The following TTN variants were observed in gnomAD, a reference collection of about 807,000 sequenced individuals.
TTN encodes the protein titin.
In TTN, 1,525 loss-of-function variants were observed where a neutral mutation model predicts 3,223.0. That is an observed-to-expected ratio of 0.47 (90% CI 0.45 to 0.49). The LOEUF (loss-of-function observed/expected upper bound fraction) is 0.49, where lower values mean the gene tolerates loss of function less well. Ranked by LOEUF, TTN falls within the 20% of genes least tolerant of loss-of-function variation. The pLI is 0.00. For missense variants in TTN, 40,786 were observed against 43,424.0 expected (o/e 0.94, Z 5.40); for synonymous variants, 14,094 against 15,161.0 (o/e 0.93, Z 5.17).
At chr2:178,615,056 C>A in intron 259 of TTN, 88 bp from the exon 260 acceptor site, 1 of 1,209,324 alleles carries the variant, frequency 8.3e-7, no homozygotes, top group Non-Finnish European at 1.2e-6. Flanking sequence ...AATTCAAACC[C>A]CTGGTATAAT....
At position 178,782,838 on chromosome 2, in the gene TTN, G is replaced by A; in HGVS notation, c.3068C>T (p.Thr1023Ile). Reference protein sequence around the residue: ...FTCSAVNEAGTVSTSCYLAVQ... With the variant: ...FTCSAVNEAGIVSTSCYLAVQ... ...AGCCAGATAGCAGGATGTGCTGACG[G>A]TTCCAGCCTCATTTACAGCACTGCA... Residue 1023 changes from threonine to isoleucine, a missense_variant, in exon 18 of 363, where the codon ACC becomes ATC. By Grantham distance (89) the Thr-to-Ile change is moderately conservative (BLOSUM62 -1). Transcript: ENST00000589042. 1.2e-6 allele frequency: 2 copies of A among 1,613,542 alleles called. No individual in the cohort carries two copies. Among genetic ancestry groups the A allele is most frequent in the Non-Finnish European group, 1.7e-6 (2 of 1,179,890 alleles).
chr2:178,774,432 C>A lies in TTN; in HGVS notation c.6832G>T (p.Val2278Phe), dbSNP rs779274451. The A allele has an allele frequency of 5.0e-6, 8 of 1,613,532 alleles. No homozygotes were observed. Among genetic ancestry groups the A allele is most frequent in the Non-Finnish European group, 6.8e-6 (8 of 1,179,890 alleles). ...EFVKELQDIE[V>F]PESYSGELEC... ...AATTCTCCTGAATATGATTCTGGAA[C>A]TTCTATGTCCTGAAGTTCTTTCACA... is the stretch of plus-strand genomic sequence containing the variant. The change falls in exon 30 of 363, where the codon GTT becomes TTT. Residue 2278 changes from valine to phenylalanine, a missense_variant. By Grantham distance (50) the Val-to-Phe change is conservative (BLOSUM62 -1). Coordinates refer to ENST00000589042, the MANE Select transcript of TTN (RefSeq NM_001267550.2).
chr2:178,614,060 T>C lies in TTN; in HGVS notation c.49337A>G (p.Tyr16446Cys), dbSNP rs2056847941. ...CTGATTGAGAAACTTACCAAACTGATATTTGGCTGTTATTGGAGAGGCCTG... is the reference window on the plus strand; with the variant it reads ...CTGATTGAGAAACTTACCAAACTGACATTTGGCTGTTATTGGAGAGGCCTG... ...PVQASPITAK[Y>C]QFDPPGPPTR... Residue 16446 changes from tyrosine to cysteine, a missense_variant, in exon 262 of 363, where the codon TAT becomes TGT. By Grantham distance (194) the Tyr-to-Cys change is radical. Coordinates refer to ENST00000589042, the MANE Select transcript of TTN (RefSeq NM_001267550.2). The C allele has an allele frequency of 1.2e-6, 2 of 1,611,692 alleles. No individual in the cohort carries two copies. Among genetic ancestry groups the C allele is most frequent in the South Asian group, 1.1e-5 (1 of 90,678 alleles).
At chr2:178,644,052 C>G (rs890237925) in intron 218 of TTN, among the ~76,000 whole-genome samples, 1 of 151,790 alleles carries the variant, frequency 6.6e-6, no homozygotes, top group Non-Finnish European at 1.5e-5. Flanking sequence ...AGTTCCGTAC[C>G]CCTCAGAGAA....
At position 178,658,129 on chromosome 2, in the gene TTN, T is replaced by A; in HGVS notation, c.37740A>T (p.Glu12580Asp). ...TVPEVPQEAAEKEIPVAPPKK... is the reference protein window; with the variant it reads ...TVPEVPQEAADKEIPVAPPKK... Reference sequence around the variant, plus strand: ...TGGGTGGAGCCACGGGAATTTCTTTTTCTGCGGCTTCTTGAGGAACTTCTG... The same window carrying A: ...TGGGTGGAGCCACGGGAATTTCTTTATCTGCGGCTTCTTGAGGAACTTCTG... The change falls in exon 186 of 363, where the codon GAA (glutamate) becomes GAT (aspartate). Residue 12580 changes from glutamate to aspartate, a missense_variant. Coordinates refer to ENST00000589042, the MANE Select transcript of TTN (RefSeq NM_001267550.2). The A allele has an allele frequency of 6.3e-7, 1 of 1,578,800 alleles. No homozygotes were observed.
chr2:178,732,505 G>T lies in TTN; in HGVS notation c.16556C>A (p.Thr5519Lys). 1 of 1,613,652 alleles carries T rather than the reference G, an allele frequency of 6.2e-7. No individual in the cohort carries two copies. The highest frequency in any genetic ancestry group is 1.7e-4 in the Middle Eastern group (1 of 6,052). Reference sequence around the variant, plus strand: ...GACATTGCTGACTTTACATGTGTACGTGCCCGAATCAGAGGTTTTTACTAA... The same window carrying T: ...GACATTGCTGACTTTACATGTGTACTTGCCCGAATCAGAGGTTTTTACTAA... The part of the protein sequence containing the change: ...LYLVKTSDSG[T>K]YTCKVSNVAG... The change falls in exon 56 of 363, where the codon ACG (threonine) becomes AAG (lysine). Residue 5519 changes from threonine to lysine, a missense_variant. Transcript: ENST00000589042.
chr2:178,554,998 CA>C lies in TTN; in HGVS notation c.88460del (p.Val29487GlyfsTer27), dbSNP rs776103871. On this transcript the variant is annotated frameshift_variant, in exon 331 of 363. Transcript: ENST00000589042. LOFTEE classifies it high-confidence loss of function. ...CGAGGTCCGTGGTATTTTCAACACA[CA>C]CCAGTGCATTGGTTTGTAATTCTTT... ...DDKELQTNAL[V>X]CVENTTDLAS... The C allele has an allele frequency of 6.2e-7, 1 of 1,613,690 alleles. No individual in the cohort carries two copies. The highest frequency in any genetic ancestry group is 1.1e-5 in the South Asian group (1 of 91,072).
rs1709557922 is a variant in TTN, at chr2:178,575,046, A to G, written c.71086T>C (p.Cys23696Arg). 6.2e-7 allele frequency: 1 copy of G among 1,613,370 alleles called. No individual in the cohort carries two copies. Among genetic ancestry groups the G allele is most frequent in the Non-Finnish European group, 8.5e-7 (1 of 1,179,596 alleles). The part of the protein sequence containing the change: ...ATSTILNINE[C>R]VRSDSGPYPL... ...TAGGGCCCACTATCACTTCTGACAC[A>G]CTCATTGATATTTAAAATGGTTGAA... Residue 23696 changes from cysteine (C) to arginine (R), a missense_variant, in exon 326 of 363, where the codon TGT (cysteine) becomes CGT (arginine). Coordinates refer to ENST00000589042, the MANE Select transcript of TTN (RefSeq NM_001267550.2). The surrounding 1 kb of genome is among the most constrained non-coding windows in gnomAD (Gnocchi z 4.0).
intron 352 of TTN, 61 bp from the exon 353 acceptor site, chr2:178,539,312 A>G (rs570782720): frequency 2.5e-6 from 4 of 1,594,852 alleles, no homozygotes; most frequent in East Asian, 2.2e-5. Flanking sequence ...TTATAAGCCA[A>G]TGACTTTCAT....
intron 67 of TTN, 111 bp downstream of exon 67, chr2:178,727,999 C>T (rs1560753854): frequency 1.1e-5 from 15 of 1,419,382 alleles, no homozygotes; most frequent in Admixed American, 2.9e-5. Flanking sequence ...GAATATGTAT[C>T]TAAAGAACCA....
At position 178,651,827 on chromosome 2, in the gene TTN, C is replaced by G; in HGVS notation, c.39379+57G>C. Reference sequence around the variant, plus strand: ...AAAAGCTCAGAGCACCCAGAATTATCAGGGCAGGAAGGGGAAAGAGTGGCC... The same window carrying G: ...AAAAGCTCAGAGCACCCAGAATTATGAGGGCAGGAAGGGGAAAGAGTGGCC... On this transcript the variant is annotated intron_variant, in intron 205 of 362. Transcript: ENST00000589042. 2.5e-6 allele frequency: 4 copies of G among 1,601,656 alleles called. No homozygotes were observed. In the Admixed American group the frequency reaches 6.9e-5, roughly 28 times the overall value.
intron 47 of TTN, chr2:178,746,564 ACT>A (rs965229361): frequency 1.2e-6 from 2 of 1,612,726 alleles, no homozygotes; most frequent in African/African-American, 2.7e-5. Flanking sequence ...TAGTGCCACC[ACT>A]CTTTCTTCCT....
intron 336 of TTN, chr2:178,550,656 A>G: frequency 2.3e-6 from 1 of 429,524 alleles, no homozygotes; most frequent in South Asian, 2.7e-5. Flanking sequence ...TAATAACTTC[A>G]GTAAAGATGG....
chr2:178,534,178 A>C lies in TTN; in HGVS notation c.102437T>G (p.Val34146Gly), dbSNP rs1690411709. The part of the protein sequence containing the change: ...GPVSGQIMHA[V>G]GEEGGHVKYV... ...TTTGACATGTCCTCCTTCTTCACCA[A>C]CTGCATGCATTATCTGCCCAGAAAC... Residue 34146 changes from valine (V) to glycine (G), a missense_variant, in exon 358 of 363, where the codon GTT (valine) becomes GGT (glycine). Transcript: ENST00000589042. The C allele has an allele frequency of 1.2e-6, 2 of 1,613,774 alleles. No homozygotes were observed. Among genetic ancestry groups the C allele is most frequent in the African/African-American group, 1.3e-5 (1 of 74,882 alleles).
At chr2:178,744,675 C>T (rs1477509270) in intron 47 of TTN, 1 of 968,478 alleles carries the variant, frequency 1.0e-6, no homozygotes, top group East Asian at 1.1e-4. Context: ...TGTCTCAATT[C>T]TAAAAATATC....
Position 178,730,717 on chromosome 2 carries a change from T to C in TTN, c.17816A>G (p.Glu5939Gly). 1 of 1,613,522 alleles carries C rather than the reference T, an allele frequency of 6.2e-7. No individual in the cohort carries two copies. Among genetic ancestry groups the C allele is most frequent in the Admixed American group, 1.7e-5 (1 of 59,982 alleles). The stretch of plus-strand genomic sequence containing the variant: ...GGGATGTGACCCAGCCACTATACAT[T>C]CTAAATCAATGAAAGAACCTTTAAT... ...DSIKGSFIDL[E>G]CIVAGSHPIS... Residue 5939 changes from glutamate (E) to glycine (G), a missense_variant, in exon 61 of 363, where the codon GAA becomes GGA. Coordinates refer to ENST00000589042, the MANE Select transcript of TTN (RefSeq NM_001267550.2).
chr2:178,732,602 T>C lies in TTN; in HGVS notation c.16459A>G (p.Asn5487Asp). 1 of 1,613,662 alleles carries C rather than the reference T, an allele frequency of 6.2e-7. No homozygotes were observed. The highest frequency in any genetic ancestry group is 8.5e-7 in the Non-Finnish European group (1 of 1,179,738). Residue 5487 changes from asparagine to aspartate, a missense_variant, in exon 56 of 363, where the codon AAC (asparagine) becomes GAC (aspartate). Physicochemically the swap from Asn to Asp is conservative, Grantham distance 23. Coordinates refer to ENST00000589042, the MANE Select transcript of TTN (RefSeq NM_001267550.2). ...CTTCCACCAGAAACCAGCTCTTTGT[T>C]GCCCTTAAACCATCTGATTGTGAGA... ...TPLTIRWFKG[N>D]KELVSGGSCY... is the part of the protein sequence containing the mutation.
Position 178,608,815 on chromosome 2 carries a change from C to T in TTN, c.52196G>A (p.Ser17399Asn), listed in dbSNP as rs1364503531. The T allele has an allele frequency of 1.2e-6, 2 of 1,612,542 alleles. No individual in the cohort carries two copies. Among genetic ancestry groups the T allele is most frequent in the Non-Finnish European group, 1.7e-6 (2 of 1,179,246 alleles). ...TTCCAAAGTGTAGTTTATGATTTCACTGCCACCATCATCAAGGGGTGGTTC... is the reference window on the plus strand; with the variant it reads ...TTCCAAAGTGTAGTTTATGATTTCATTGCCACCATCATCAAGGGGTGGTTC... Reference protein sequence around the residue: ...KWEPPLDDGGSEIINYTLEKK... With the variant: ...KWEPPLDDGGNEIINYTLEKK... The change falls in exon 274 of 363, where the codon AGT (serine) becomes AAT (asparagine). Residue 17399 changes from serine (S) to asparagine (N), a missense_variant. Physicochemically the swap from Ser to Asn is conservative, Grantham distance 46 (BLOSUM62 1). Coordinates refer to ENST00000589042, the MANE Select transcript of TTN (RefSeq NM_001267550.2).
chr2:178,578,862 T>C lies in TTN; in HGVS notation c.68168A>G (p.Lys22723Arg), dbSNP rs2154175020. 1.9e-6 allele frequency: 3 copies of C among 1,613,184 alleles called. No homozygotes were observed. The East Asian group carries it at 6.7e-5, about 36-fold the overall frequency. Residue 22723 changes from lysine (K) to arginine (R), a missense_variant, in exon 320 of 363, where the codon AAA (lysine) becomes AGA (arginine). By Grantham distance (26) the Lys-to-Arg change is conservative. Coordinates refer to ENST00000589042, the MANE Select transcript of TTN (RefSeq NM_001267550.2). ...EYTFRVSAENKYGVGEGLKSE... is the reference protein window; with the variant it reads ...EYTFRVSAENRYGVGEGLKSE... ...TTTCAGGCCTTCCCCTACACCATAT[T>C]TATTTTCGGCACTGACCCTGAAGGT...
Sources: allele counts gnomAD v4.1 joint callset (sites outside exome capture counted in the v4.1 genomes callset), GRCh38; gene constraint gnomAD v4.1.1; non-coding constraint Gnocchi (gnomAD v3.1); transcripts MANE v1.5; gene names NCBI Gene and HGNC (gene_info 2026-07-23, HGNC 2026-07-21).